Variants in PCSK1 observed in about 807,000 individuals in gnomAD.
The protein encoded by PCSK1 is proprotein convertase subtilisin/kexin type 1.
A neutral mutation model predicts 90.6 loss-of-function variants in PCSK1; 56 were observed. The ratio of observed to expected loss-of-function variants is 0.62; its 90% CI spans 0.50 to 0.77. The LOEUF is 0.77. PCSK1 is among the 30% of genes least tolerant of loss of function. PCSK1 has a pLI of 0.00. For synonymous variants in PCSK1, 348 were observed against 342.4 expected (o/e 1.02, Z -0.18); for missense variants, 801 against 932.6 (o/e 0.86, Z 1.84).
chr5:96,397,797 TAG>T (rs33937766), intron 11 of PCSK1, among the ~76,000 whole-genome samples: 7,010 of 150,116 alleles, frequency 0.047, 449 homozygotes, highest in African/African-American at 0.15. Context: ...CAAATTGAAT[TAG>T]AGAGTCAAAA....
chr5:96,410,675 A>C (rs556912475), intron 8 of PCSK1, 99 bp downstream of exon 8: 2 of 982,194 alleles, frequency 2.0e-6, no homozygotes, highest in Non-Finnish European at 3.3e-6. Context: ...CATCAAGCTT[A>C]AGCGAATCAG....
At chr5:96,413,902 G>A (rs1196315563) in intron 6 of PCSK1, among the ~76,000 whole-genome samples, 6 of 143,988 alleles carry the variant, frequency 4.2e-5, no homozygotes, top group Non-Finnish European at 7.5e-5. Context: ...GGCGGATCAC[G>A]AGGTCAAGAG....
intron 2 of PCSK1, among the ~76,000 whole-genome samples, chr5:96,428,836 A>G (rs987354483): frequency 1.3e-5 from 2 of 152,200 alleles, no homozygotes; most frequent in Non-Finnish European, 2.9e-5. Flanking sequence ...TAGGTACCTA[A>G]TAAAAGGTTG....
chr5:96,394,236 G>T (rs1450775614), intron 13 of PCSK1, among the ~76,000 whole-genome samples: 2 of 152,224 alleles, frequency 1.3e-5, no homozygotes, highest in African/African-American at 4.8e-5. Context: ...CAGAGATAAA[G>T]AAAATGTGGG....
rs1049640376 is a variant in PCSK1 at position 96,426,087 on chromosome 5, G to T, written c.286-157C>A. Among the ~76,000 whole-genome samples the T allele has an allele frequency of 4.6e-5, 7 of 152,176 alleles. No homozygotes were observed. In the East Asian group the frequency reaches 1.3e-3, roughly 29 times the overall value. On this transcript the variant is annotated intron_variant, in intron 2 of 13. Coordinates refer to ENST00000311106, the MANE Select transcript of PCSK1 (RefSeq NM_000439.5). ...AACTGGCACCTCAGTGAGAAGAAGG[G>T]ATTGCCCACTGGGGAGATGAATATT...
rs1453897259 is a variant in PCSK1 at position 96,390,429 on chromosome 5, A to T, written c.*2572T>A. ...ATATTTTACATATTCTGGTCAATAC[A>T]TCAAATGTATAATGTGGAAGTTCCC... On this transcript the variant is annotated 3_prime_UTR_variant, in exon 14 of 14. Coordinates refer to ENST00000311106, the MANE Select transcript of PCSK1 (RefSeq NM_000439.5). 1.3e-5 allele frequency: 2 copies of T among 152,276 alleles called. No homozygotes were observed. Among genetic ancestry groups the T allele is most frequent in the African/African-American group, 4.8e-5 (2 of 41,464 alleles). The allele number at this position is 152,276 out of a possible 1,614,324, so 9.4% of individuals were successfully genotyped here.
At position 96,399,841 on chromosome 5, in the gene PCSK1, A is replaced by T. The variant is rs915246268; in HGVS notation, c.1430+112T>A. 1.5e-4 allele frequency: 119 copies of T among 804,586 alleles called. 1 individual carries two copies. The highest frequency in any genetic ancestry group is 2.1e-5 in the Non-Finnish European group (10 of 470,854). The allele number at this position is 804,586 out of a possible 1,614,324, so 49.8% of individuals were successfully genotyped here. A position where few individuals can be genotyped will look rare whatever the true frequency, so the allele number is the denominator to read the frequency against. ...CCCACAGAGAACACTAGAAAATTCC[A>T]CCTCCATCTACTTCAGAAGGGTAGA... is the stretch of plus-strand genomic sequence containing the variant. On this transcript the variant is annotated intron_variant, in intron 10 of 13. Coordinates refer to ENST00000311106, the MANE Select transcript of PCSK1 (RefSeq NM_000439.5).
Position 96,433,109 on chromosome 5 carries a change from CCAGA to C in PCSK1, c.-71_-68del, listed in dbSNP as rs1028602115. 2.1e-6 allele frequency: 3 copies of C among 1,442,160 alleles called. No individual in the cohort carries two copies. The African/African-American group carries it at 4.2e-5, about 20-fold the overall frequency. 89.3% of individuals were successfully genotyped at this position (1,442,160 alleles called of 1,614,324 possible). ...AAAAAGAAGCAAGATAGGAGAAAAG[CCAGA>C]CAGACTCCCCCTTCCCACCCTCGGG... is the stretch of plus-strand genomic sequence containing the variant. On this transcript the variant is annotated 5_prime_UTR_variant, in exon 1 of 14. Coordinates refer to ENST00000311106, the MANE Select transcript of PCSK1 (RefSeq NM_000439.5).
At chr5:96,415,963 C>T (rs1385500316) in intron 6 of PCSK1, 70 bp downstream of exon 6, 1 of 939,990 alleles carries the variant, frequency 1.1e-6, no homozygotes, top group Non-Finnish European at 1.8e-6. Flanking sequence ...AGCTCCCCTC[C>T]CCCATTTACA....
At chr5:96,419,756 C>G (rs1043445413) in intron 5 of PCSK1, among the ~76,000 whole-genome samples, 3 of 151,828 alleles carry the variant, frequency 2.0e-5, no homozygotes, top group African/African-American at 7.3e-5. Flanking sequence ...AGGTAACTCC[C>G]TGAGTCAGGG....
chr5:96,423,671 G>T (rs1431773384), intron 3 of PCSK1, among the ~76,000 whole-genome samples: 1 of 152,180 alleles, frequency 6.6e-6, no homozygotes, highest in Non-Finnish European at 1.5e-5. Context: ...GTCCCAAATG[G>T]ACATCACTTG....
Position 96,418,210 on chromosome 5 carries a change from GAA to G in PCSK1, c.621-2091_621-2090del, listed in dbSNP as rs375921761. On this transcript the variant is annotated intron_variant, in intron 5 of 13. Coordinates refer to ENST00000311106, the MANE Select transcript of PCSK1 (RefSeq NM_000439.5). ...TTCCACCTCCAAACGTTGAGAGAAA[GAA>G]AAGTGTTCCTATGTCATTCTTTATA... is the stretch of plus-strand genomic sequence containing the variant. Among the ~76,000 whole-genome samples the G allele has an allele frequency of 2.2e-3, 328 of 152,286 alleles. 2 individuals carry two copies. Among genetic ancestry groups the G allele is most frequent in the African/African-American group, 7.6e-3 (315 of 41,566 alleles).
intron 11 of PCSK1, among the ~76,000 whole-genome samples, chr5:96,398,019 C>T (rs973818290): frequency 7.2e-5 from 11 of 152,012 alleles, no homozygotes; most frequent in Admixed American, 5.9e-4. Flanking sequence ...AGACAGGTTA[C>T]CTGTAAATTT....
chr5:96,422,017 A>AG, intron 4 of PCSK1, 61 bp from the exon 5 acceptor site: 1 of 844,102 alleles, frequency 1.2e-6, no homozygotes, highest in Non-Finnish European at 1.9e-6. Flanking sequence ...AAAAAAAAAA[A>AG]AAGCATCACT....
At position 96,392,638 on chromosome 5, in the gene PCSK1, GT is replaced by G. The variant is rs1393915398; in HGVS notation, c.*362del. ...CTCCTTCTCATTCTTTGCAGATTAT[GT>G]TTTCAAATTAATTGATATCCCAGGT... On this transcript the variant is annotated 3_prime_UTR_variant, in exon 14 of 14. Transcript: ENST00000311106. 2 of 230,516 alleles carry G rather than the reference GT, an allele frequency of 8.7e-6. No individual in the cohort carries two copies. Among genetic ancestry groups the G allele is most frequent in the African/African-American group, 4.6e-5 (2 of 43,276 alleles). 14.3% of individuals were successfully genotyped at this position (230,516 alleles called of 1,614,324 possible).
At chr5:96,399,073 A>G in intron 10 of PCSK1, 37 bp from the exon 11 acceptor site, 1 of 1,508,766 alleles carries the variant, frequency 6.6e-7, no homozygotes, top group Non-Finnish European at 9.1e-7. Flanking sequence ...AATAAAGTAT[A>G]TCCAAACTTC....
intron 7 of PCSK1, among the ~76,000 whole-genome samples, chr5:96,411,479 T>C (rs929820700): frequency 3.9e-5 from 6 of 152,354 alleles, no homozygotes; most frequent in Non-Finnish European, 7.3e-5. Flanking sequence ...CAATTTGTGC[T>C]CTCCAGAGTT....
In PCSK1 at chr5:96,393,110, TCTTCAG is replaced by T; in HGVS notation, c.2147_2152del (p.Ser716_Asp718delinsTyr). 3 of 1,614,202 alleles carry T rather than the reference TCTTCAG, an allele frequency of 1.9e-6. No individual in the cohort carries two copies. The highest frequency in any genetic ancestry group is 2.5e-6 in the Non-Finnish European group (3 of 1,180,004). ...ATCAACATAGTCATTATACAGACTG[TCTTCAG>T]AGTCTTTAAGCTGGGAAGGTTTGTT... On this transcript the variant is annotated inframe_deletion, in exon 14 of 14. Coordinates refer to ENST00000311106, the MANE Select transcript of PCSK1 (RefSeq NM_000439.5).
intron 5 of PCSK1, among the ~76,000 whole-genome samples, chr5:96,420,620 C>T (rs2112436046): frequency 6.6e-6 from 1 of 152,226 alleles, no homozygotes; most frequent in South Asian, 2.1e-4. Context: ...TCCATGTACC[C>T]CAGCCTCCCA....
Sources: allele counts gnomAD v4.1 joint callset (sites outside exome capture counted in the v4.1 genomes callset), GRCh38; gene constraint gnomAD v4.1.1; transcripts MANE v1.5; gene names NCBI Gene and HGNC (gene_info 2026-07-23, HGNC 2026-07-21).